Variants in PKHD1 observed in about 807,000 individuals in gnomAD.
The protein encoded by PKHD1 is fibrocystin.
In PKHD1, 291 loss-of-function variants were observed where a neutral mutation model predicts 412.0. That is an observed-to-expected ratio of 0.71 (90% CI 0.64 to 0.78). PKHD1 has a LOEUF of 0.78. PKHD1 is among the 30% of genes least tolerant of loss of function. The pLI, the probability that PKHD1 is intolerant of heterozygous loss-of-function variation, is 0.00. For synonymous variants in PKHD1, 1,777 were observed against 1,821.5 expected, an observed-to-expected ratio of 0.98 and a Z score of 0.62; for missense variants, 4,825 against 4,950.7, an observed-to-expected ratio of 0.97 and a Z score of 0.76.
chr6:51,781,193 A>AT (rs1183028655), intron 53 of PKHD1, among the ~76,000 whole-genome samples: 1 of 152,016 alleles, frequency 6.6e-6, no homozygotes, highest in Non-Finnish European at 1.5e-5. Context: ...TGCAGCACAT[A>AT]TTTTTTTCTG....
chr6:51,831,690 T>G (rs1201123386), intron 51 of PKHD1, among the ~76,000 whole-genome samples: 1 of 152,150 alleles, frequency 6.6e-6, no homozygotes, highest in Non-Finnish European at 1.5e-5. Context: ...CCCTACACAT[T>G]AAAGGCGGGG....
intron 55 of PKHD1, among the ~76,000 whole-genome samples, chr6:51,767,116 A>G (rs547107118): frequency 3.3e-5 from 5 of 152,164 alleles, no homozygotes; most frequent in African/African-American, 1.2e-4. Flanking sequence ...TTCAAATGCT[A>G]ATTTATTCAA....
intron 59 of PKHD1, 147 bp downstream of exon 59, chr6:51,746,574 T>C (rs1471724087): frequency 1.6e-6 from 1 of 636,628 alleles, no homozygotes; most frequent in Non-Finnish European, 2.8e-6. Context: ...GGGTAAAGAA[T>C]TGGTCATTAA....
Position 52,056,986 on chromosome 6 carries a change from A to C in PKHD1, c.1513-7T>G. The C allele has an allele frequency of 6.3e-7, 1 of 1,597,070 alleles. No homozygotes were observed. The highest frequency in any genetic ancestry group is 1.3e-5 in the African/African-American group (1 of 74,764). ...TGCCTGATACATTCAGCACCTAAAA[A>C]AGTCAAGACAGACAAGACTAAATGA... On this transcript the variant is annotated splice_polypyrimidine_tract_variant and splice_region_variant and intron_variant, in intron 16 of 66. Transcript: ENST00000371117.
intron 60 of PKHD1, among the ~76,000 whole-genome samples, chr6:51,699,541 A>C (rs1461211638): frequency 6.6e-6 from 1 of 152,162 alleles, no homozygotes; most frequent in Non-Finnish European, 1.5e-5. Flanking sequence ...ATTCTTCTAA[A>C]AATTTTTGTT....
At chr6:51,807,485 A>ATATATATGTGTGTGTGTGTG (rs765667001) in intron 52 of PKHD1, among the ~76,000 whole-genome samples, 8 of 111,764 alleles carry the variant, frequency 7.2e-5, no homozygotes, top group African/African-American at 3.1e-4. Context: ...ATATATGTAT[A>ATATATATGTGTGTGTGTGTG]TGTGTGTGTG....
chr6:52,085,670 T>C (rs948270514), intron 1 of PKHD1, among the ~76,000 whole-genome samples: 1 of 152,200 alleles, frequency 6.6e-6, no homozygotes, highest in Non-Finnish European at 1.5e-5. Flanking sequence ...CACATAGGCC[T>C]CTTCTTCCAG....
chr6:51,975,991 C>T (rs147969318), intron 35 of PKHD1: 1 of 52,390 alleles, frequency 1.9e-5, no homozygotes, highest in African/African-American at 6.6e-5. Context: ...AAAAAAAAAA[C>T]AGAAAACAAC....
chr6:51,650,827 CTTAG>C (rs1046179053), intron 61 of PKHD1, among the ~76,000 whole-genome samples: 1 of 152,114 alleles, frequency 6.6e-6, no homozygotes, highest in Non-Finnish European at 1.5e-5. Flanking sequence ...ATCATCATTT[CTTAG>C]TTTGTTTAGC....
chr6:51,640,667 T>C (rs532812321), intron 63 of PKHD1, among the ~76,000 whole-genome samples: 6 of 152,232 alleles, frequency 3.9e-5, no homozygotes, highest in South Asian at 2.1e-4. Context: ...GGATAGATAG[T>C]TTCTAAAATA....
intron 27 of PKHD1, among the ~76,000 whole-genome samples, chr6:52,037,186 TA>T (rs1804093015): frequency 6.6e-6 from 1 of 152,090 alleles, no homozygotes; most frequent in Admixed American, 6.5e-5. Flanking sequence ...GAAAAAAAAC[TA>T]AATTTGAATT....
rs199924729 is a variant in PKHD1 at position 51,746,746 on chromosome 6, A to G, written c.9973T>C (p.Phe3325Leu). ...CTGGGTTGTAATGAAGGAAAGTAGA[A>G]CTTGTTTTTATCTTTTATCTTTAGC... ...RMLKIKDKNK[F>L]YFPSLQPRKD... The change falls in exon 59 of 67, where the codon TTC (phenylalanine) becomes CTC (leucine). Residue 3325 changes from phenylalanine to leucine, a missense_variant. By Grantham distance (22) the Phe-to-Leu change is conservative. Coordinates refer to ENST00000371117, the MANE Select transcript of PKHD1 (RefSeq NM_138694.4). 3.1e-6 allele frequency: 5 copies of G among 1,608,906 alleles called. No individual in the cohort carries two copies. In the African/African-American group the frequency reaches 5.3e-5, roughly 17 times the overall value.
At chr6:51,890,278 A>G (rs924169116) in intron 43 of PKHD1, among the ~76,000 whole-genome samples, 12 of 152,180 alleles carry the variant, frequency 7.9e-5, no homozygotes, top group Non-Finnish European at 4.4e-5. Context: ...ACTAGAGTAG[A>G]GAAATGAAGG....
rs147933501 is a variant in PKHD1 at position 52,017,425 on chromosome 6, G to A, written c.5585C>T (p.Ser1862Leu). 178 of 1,612,332 alleles carry A rather than the reference G, an allele frequency of 1.1e-4. No homozygotes were observed. Among genetic ancestry groups the A allele is most frequent in the Middle Eastern group, 1.6e-4 (1 of 6,076 alleles). Residue 1862 changes from serine (S) to leucine (L), a missense_variant, in exon 34 of 67, where the codon TCG becomes TTG. Coordinates refer to ENST00000371117, the MANE Select transcript of PKHD1 (RefSeq NM_138694.4). ...HWAESMFPSF[S>L]GLFISPKLER... is the part of the protein sequence containing the mutation. ...GTAAAGTTACCTGATAAAGAGGCCC[G>A]AGAATGATGGAAACATTGACTCTGC...
At chr6:52,085,703 C>T (rs904275661) in intron 1 of PKHD1, among the ~76,000 whole-genome samples, 5 of 152,108 alleles carry the variant, frequency 3.3e-5, no homozygotes, top group African/African-American at 1.2e-4. Context: ...TTGAAGAGAC[C>T]CAGGAACCAG....
intron 57 of PKHD1, among the ~76,000 whole-genome samples, chr6:51,749,824 G>C (rs969639435): frequency 6.6e-6 from 1 of 152,180 alleles, no homozygotes; most frequent in Non-Finnish European, 1.5e-5. Context: ...TTATGATTCA[G>C]ATAACTGCCC....
intron 60 of PKHD1, among the ~76,000 whole-genome samples, chr6:51,662,445 T>C (rs1430004515): frequency 2.0e-5 from 3 of 151,830 alleles, no homozygotes; most frequent in Non-Finnish European, 4.4e-5. Flanking sequence ...ATATAGTATA[T>C]CCTAAATATT....
intron 49 of PKHD1, among the ~76,000 whole-genome samples, chr6:51,849,913 C>T (rs368103709): frequency 1.3e-5 from 2 of 152,120 alleles, no homozygotes; most frequent in Admixed American, 6.5e-5. Flanking sequence ...TCCCATTTGT[C>T]AATTTTTGCT....
chr6:52,053,655 A>G (rs558195084), intron 20 of PKHD1, among the ~76,000 whole-genome samples: 6 of 152,328 alleles, frequency 3.9e-5, no homozygotes, highest in African/African-American at 1.4e-4. Context: ...TGTGGAAAGC[A>G]CTGAATCAAG....
Sources: gnomAD v4.1 joint callset for allele counts (sites outside exome capture counted in the v4.1 genomes callset) on GRCh38, gnomAD v4.1.1 for gene constraint, MANE v1.5 for transcripts, NCBI Gene and HGNC (gene_info 2026-07-23, HGNC 2026-07-21) for gene names.